ABCC9: variants seen among roughly 807,000 people sequenced by gnomAD.
ABCC9 encodes ATP binding cassette subfamily C member 9.
In ABCC9, 95 loss-of-function variants were observed where a neutral mutation model predicts 188.3. The observed-to-expected ratio is 0.50, with a 90% confidence interval of 0.43 to 0.60. ABCC9 has a LOEUF of 0.60. Among genes scored for constraint, ABCC9 ranks in the 20% least tolerant of loss-of-function variants. The pLI is 0.00. For missense variants in ABCC9, 1,102 were observed against 1,876.3 expected, an observed-to-expected ratio of 0.59 and a Z score of 7.62; for synonymous variants, 659 against 652.7, an observed-to-expected ratio of 1.01 and a Z score of -0.15.
At chr12:21,861,076 A>C (rs895885426) in intron 20 of ABCC9, 21 bp from the exon 21 acceptor site, 1 of 1,589,400 alleles carries the variant, frequency 6.3e-7, no homozygotes, top group Admixed American at 1.7e-5. Context: ...AATGATTTTG[A>C]ATTTTTAGAT....
intron 24 of ABCC9, 28 bp from the exon 25 acceptor site, chr12:21,848,274 A>G (rs1486980829): frequency 6.3e-7 from 1 of 1,580,502 alleles, no homozygotes. Context: ...CTATCATGCA[A>G]GGAGCTAACA....
chr12:21,905,612 G>C (rs930303496), intron 12 of ABCC9, among the ~76,000 whole-genome samples: 1 of 151,956 alleles, frequency 6.6e-6, no homozygotes, highest in Admixed American at 6.6e-5. Context: ...AGTTTTCTCG[G>C]AGTAAAAGCT....
chr12:21,823,814 C>T (rs1943192386), intron 31 of ABCC9, among the ~76,000 whole-genome samples: 1 of 152,240 alleles, frequency 6.6e-6, no homozygotes, highest in Admixed American at 6.5e-5. Flanking sequence ...TTGCACTCAA[C>T]CGCGGCCGGC....
intron 31 of ABCC9, among the ~76,000 whole-genome samples, chr12:21,822,632 T>TACTAAGAAC (rs111696716): frequency 6.6e-6 from 1 of 151,456 alleles, no homozygotes; most frequent in Admixed American, 6.6e-5. Context: ...ACCCCATCTC[T>TACTAAGAAC]ACACAAAAAT....
intron 7 of ABCC9, among the ~76,000 whole-genome samples, chr12:21,914,625 CAA>C (rs1948458923): frequency 6.6e-6 from 1 of 152,060 alleles, no homozygotes; most frequent in African/African-American, 2.4e-5. Context: ...AAGACAATAA[CAA>C]AAATTTCATG....
At chr12:21,876,657 A>G (rs182760182) in intron 16 of ABCC9, among the ~76,000 whole-genome samples, 4 of 152,358 alleles carry the variant, frequency 2.6e-5, no homozygotes, top group Non-Finnish European at 5.9e-5. Context: ...AATAGGAAAT[A>G]AAACAGTAAC....
At chr12:21,904,356 A>G (rs1246720394) in intron 12 of ABCC9, among the ~76,000 whole-genome samples, 1 of 152,220 alleles carries the variant, frequency 6.6e-6, no homozygotes, top group African/African-American at 2.4e-5. Flanking sequence ...ACCATTCAGG[A>G]CATTGGCATG....
At position 21,910,985 on chromosome 12, in the gene ABCC9, C is replaced by T. The variant is rs727502874; in HGVS notation, c.1012-7G>A. 3.7e-6 allele frequency: 6 copies of T among 1,610,302 alleles called. No individual in the cohort carries two copies. Among genetic ancestry groups the T allele is most frequent in the Non-Finnish European group, 4.2e-6 (5 of 1,177,910 alleles). ...ATGAGAGGGTTTCTGAAATCTGGTC[C>T]CCAAAGAAAAAAAGTGTCATATTAA... On this transcript the variant is annotated splice_region_variant and splice_polypyrimidine_tract_variant and intron_variant, in intron 8 of 39. Transcript: ENST00000261200.
chr12:21,915,474 ATATATGTG>A (rs1378201591), intron 7 of ABCC9, among the ~76,000 whole-genome samples, 186 bp downstream of exon 7: 2 of 5,546 alleles, frequency 3.6e-4, no homozygotes, highest in African/African-American at 1.1e-3. Context: ...ATGTGTGTGT[ATATATGTG>A]TGTGTGTGTG....
intron 5 of ABCC9, chr12:21,922,882 C>G (rs1948886209): frequency 6.7e-6 from 1 of 150,328 alleles, no homozygotes; most frequent in South Asian, 2.1e-4. Flanking sequence ...TAATTTATGA[C>G]TTCAAGAACT....
intron 14 of ABCC9, among the ~76,000 whole-genome samples, chr12:21,893,000 A>G (rs892360905): frequency 1.3e-5 from 2 of 152,182 alleles, no homozygotes; most frequent in Admixed American, 1.3e-4. Flanking sequence ...AGCCAGATAT[A>G]AATATGATAA....
chr12:21,844,027 C>T (rs1250733148), intron 28 of ABCC9, among the ~76,000 whole-genome samples: 2 of 152,060 alleles, frequency 1.3e-5, no homozygotes, highest in African/African-American at 4.8e-5. Flanking sequence ...CTTGGCATTC[C>T]TGGAATTTTT....
rs958328343 is a variant in ABCC9, at chr12:21,798,207, G to A, written c.*2837C>T. On this transcript the variant is annotated 3_prime_UTR_variant, in exon 40 of 40. Transcript: ENST00000261200. ...AGATAGGCTTCTACTGATGTTGCCT[G>A]TAGCAATATAATAAGAAAATATCAT... 1 of 152,178 alleles carries A rather than the reference G, an allele frequency of 6.6e-6. No individual in the cohort carries two copies. Among genetic ancestry groups the A allele is most frequent in the Non-Finnish European group, 1.5e-5 (1 of 68,036 alleles). 9.4% of individuals were successfully genotyped at this position (152,178 alleles called of 1,614,324 possible). A position where few individuals can be genotyped will look rare whatever the true frequency, so the allele number is the denominator to read the frequency against.
At chr12:21,834,744 GAT>G (rs150455707) in intron 30 of ABCC9, among the ~76,000 whole-genome samples, 1 of 148,044 alleles carries the variant, frequency 6.8e-6, no homozygotes, top group South Asian at 2.2e-4. Flanking sequence ...GGCTGAAAAT[GAT>G]ATATATATAT....
chr12:21,820,741 T>A (rs1942990996), intron 31 of ABCC9, among the ~76,000 whole-genome samples: 1 of 152,088 alleles, frequency 6.6e-6, no homozygotes, highest in Non-Finnish European at 1.5e-5. Context: ...CCTGGCTCCT[T>A]CCCATCATTT....
intron 31 of ABCC9, among the ~76,000 whole-genome samples, chr12:21,822,873 C>T (rs1463280022): frequency 6.6e-6 from 1 of 150,792 alleles, no homozygotes; most frequent in East Asian, 2.0e-4. Context: ...TAATGATTCA[C>T]AAAGTGACCC....
chr12:21,797,808 C>T lies in ABCC9; in HGVS notation c.*3236G>A, dbSNP rs1014924207. Reference sequence around the variant, plus strand: ...TTTTCCCTGTCAATGACATAAGTAACCCTGGTATTTTAATATAATGCTTTA... The same window carrying T: ...TTTTCCCTGTCAATGACATAAGTAATCCTGGTATTTTAATATAATGCTTTA... On this transcript the variant is annotated 3_prime_UTR_variant, in exon 40 of 40. Transcript: ENST00000261200. 1 of 151,940 alleles carries T rather than the reference C, an allele frequency of 6.6e-6. No homozygotes were observed. Among genetic ancestry groups the T allele is most frequent in the Non-Finnish European group, 1.5e-5 (1 of 67,992 alleles). 9.4% of individuals were successfully genotyped at this position (151,940 alleles called of 1,614,324 possible). A position where few individuals can be genotyped will look rare whatever the true frequency, so the allele number is the denominator to read the frequency against.
intron 36 of ABCC9, among the ~76,000 whole-genome samples, chr12:21,811,840 T>G (rs548111419): frequency 6.6e-6 from 1 of 152,268 alleles, no homozygotes; most frequent in East Asian, 1.9e-4. Flanking sequence ...AGAATCAAAC[T>G]GAAAGGGATG....
chr12:21,908,161 C>T lies in ABCC9; in HGVS notation c.1371G>A (p.Leu457=), dbSNP rs1225198108. The change falls in exon 11 of 40, where the codon TTG becomes TTA. Residue 457 remains leucine (L), a synonymous_variant. Transcript: ENST00000261200. Reference sequence around the variant, plus strand: ...GGAGCACAATGACAGCTGCACCGACCAATGCACTTGATCCAAGTAAATTAT... The same window carrying T: ...GGAGCACAATGACAGCTGCACCGACTAATGCACTTGATCCAAGTAAATTAT... The part of the protein sequence containing the change: ...LLYNLLGSSA[L]VGAAVIVLLA... 1 of 1,612,618 alleles carries T rather than the reference C, an allele frequency of 6.2e-7. No individual in the cohort carries two copies. Among genetic ancestry groups the T allele is most frequent in the African/African-American group, 1.3e-5 (1 of 74,928 alleles).
Sources: gnomAD v4.1 joint callset for allele counts (sites outside exome capture counted in the v4.1 genomes callset) on GRCh38, gnomAD v4.1.1 for gene constraint, MANE v1.5 for transcripts, NCBI Gene and HGNC (gene_info 2026-07-23, HGNC 2026-07-21) for gene names.